MDN1: variants seen among roughly 807,000 people sequenced by gnomAD.
MDN1 encodes the protein midasin AAA ATPase 1, also known as midasin.
Under a neutral mutation model 669.2 loss-of-function variants are expected in MDN1, and 266 were observed. That is an observed-to-expected ratio of 0.40 (90% CI 0.36 to 0.44). MDN1 has a LOEUF of 0.44. Among genes scored for constraint, MDN1 ranks in the 20% least tolerant of loss-of-function variants. MDN1 has a pLI of 1.00. For synonymous variants in MDN1, 2,385 were observed against 2,457.1 expected (o/e 0.97, Z 0.87); for missense variants, 5,940 against 6,754.0 (o/e 0.88, Z 4.22).
At chr6:89,659,935 T>C (rs1809601939) in intron 88 of MDN1, among the ~76,000 whole-genome samples, 1 of 152,234 alleles carries the variant, frequency 6.6e-6, no homozygotes, top group Non-Finnish European at 1.5e-5. Context: ...TTGCCCAGGC[T>C]GGCATGCAGC....
intron 12 of MDN1, 29 bp downstream of exon 12, chr6:89,776,571 A>G: frequency 1.3e-6 from 2 of 1,548,858 alleles, no homozygotes; most frequent in Non-Finnish European, 8.9e-7. Context: ...CCTCCTTTCA[A>G]CAGGGAAGTA....
chr6:89,692,607 T>C lies in MDN1; in HGVS notation c.10423A>G (p.Ile3475Val). Residue 3475 changes from isoleucine to valine, a missense_variant, in exon 63 of 102, where the codon ATC (isoleucine) becomes GTC (valine). Physicochemically the swap from Ile to Val is conservative, Grantham distance 29 (BLOSUM62 3). This residue lies in a region of MDN1 where 2,280 missense variants were observed against 2,576.3 expected (regional missense o/e 0.88). Transcript: ENST00000369393. Reference sequence around the variant, plus strand: ...TCCTTTCCTCCTGAGCGCTTGAGGATTAGCTTCCCAAGGCCTCGTAGAACC... The same window carrying C: ...TCCTTTCCTCCTGAGCGCTTGAGGACTAGCTTCCCAAGGCCTCGTAGAACC... The part of the protein sequence containing the change: ...EEVLRGLGKL[I>V]LKRSGGKELE... The C allele has an allele frequency of 6.2e-7, 1 of 1,614,212 alleles. No homozygotes were observed.
Position 89,785,136 on chromosome 6 carries a change from A to G in MDN1, c.1335-10T>C. On this transcript the variant is annotated splice_polypyrimidine_tract_variant and intron_variant, in intron 8 of 101. Coordinates refer to ENST00000369393, the MANE Select transcript of MDN1 (RefSeq NM_014611.3). ...TCCACAGCTCAAGAGTCTACGTTTC[A>G]AAATAAAAAACACAGTCACACAAAA... is the stretch of plus-strand genomic sequence containing the variant. The G allele has an allele frequency of 6.3e-7, 1 of 1,598,162 alleles. No individual in the cohort carries two copies. The highest frequency in any genetic ancestry group is 8.6e-7 in the Non-Finnish European group (1 of 1,166,434).
intron 82 of MDN1, among the ~76,000 whole-genome samples, chr6:89,671,837 C>T (rs1220748867): frequency 2.0e-5 from 3 of 152,216 alleles, no homozygotes; most frequent in African/African-American, 7.2e-5. Flanking sequence ...TTACTCTGTT[C>T]GCTTATTGTA....
chr6:89,655,905 C>T lies in MDN1; in HGVS notation c.15349G>A (p.Val5117Met), dbSNP rs1287270246. 1.2e-6 allele frequency: 2 copies of T among 1,614,128 alleles called. No individual in the cohort carries two copies. The highest frequency in any genetic ancestry group is 1.3e-5 in the African/African-American group (1 of 75,046). The change falls in exon 92 of 102, where the codon GTG becomes ATG. Residue 5117 changes from valine (V) to methionine (M), a missense_variant. Around this residue, in one of 5 missense-constraint regions of MDN1, gnomAD observed 2,280 missense variants for 2,576.3 expected, o/e 0.88. Transcript: ENST00000369393. ...TCCACAGTCCTCAGCCTCTTGTGCA[C>T]ACGCTCATTGTGATCACCCATGGAA... ...ERSMGDHNER[V>M]HKRLRTVDTD... is the part of the protein sequence containing the mutation.
At chr6:89,795,976 TG>T (rs1291689213) in intron 2 of MDN1, among the ~76,000 whole-genome samples, 2 of 146,580 alleles carry the variant, frequency 1.4e-5, no homozygotes, top group East Asian at 2.1e-4. Flanking sequence ...ACAATAAAGG[TG>T]GGGGGGACAT....
rs546468358 is a variant in MDN1, at chr6:89,703,371, G to T, written c.8149-1310C>A. 8.0e-4 allele frequency among the ~76,000 whole-genome samples: 75 copies of T among 93,902 alleles called. 1 individual carries two copies. The East Asian group carries it at 0.023, about 29-fold the overall frequency. 61.6% of individuals were successfully genotyped at this position (93,902 alleles called of 152,430 possible). A position where few individuals can be genotyped will look rare whatever the true frequency, so the allele number is the denominator to read the frequency against. ...AAATAACTGACCATGTATGGGGAAG[G>T]GGGGGGGGTCTATCTGTGAATCCTC... On this transcript the variant is annotated intron_variant, in intron 53 of 101. Coordinates refer to ENST00000369393, the MANE Select transcript of MDN1 (RefSeq NM_014611.3).
At chr6:89,708,250 C>T (rs577136671) in intron 51 of MDN1, among the ~76,000 whole-genome samples, 5 of 152,246 alleles carry the variant, frequency 3.3e-5, no homozygotes, top group Admixed American at 2.0e-4. Context: ...TTGCAGTGAT[C>T]CAAGATTATG....
intron 26 of MDN1, among the ~76,000 whole-genome samples, 159 bp from the exon 27 acceptor site, chr6:89,747,629 A>T (rs370613745): frequency 7.9e-5 from 12 of 151,930 alleles, no homozygotes; most frequent in East Asian, 5.8e-4. Context: ...TGGTGGCTCA[A>T]GCCTGTAATC....
At position 89,674,404 on chromosome 6, in the gene MDN1, G is replaced by C; in HGVS notation, c.12947C>G (p.Pro4316Arg). The C allele has an allele frequency of 6.2e-7, 1 of 1,614,202 alleles. No homozygotes were observed. The highest frequency in any genetic ancestry group is 8.5e-7 in the Non-Finnish European group (1 of 1,180,030). The change falls in exon 79 of 102, where the codon CCA becomes CGA. Residue 4316 changes from proline (P) to arginine (R), a missense_variant. This residue lies in a region of MDN1 where 2,280 missense variants were observed against 2,576.3 expected (regional missense o/e 0.88). Transcript: ENST00000369393. The part of the protein sequence containing the change: ...WLLQCCPSVG[P>R]APGHGNVQVL... ...CTGGACATTGCCATGGCCTGGAGCT[G>C]GCCCTACACTGGGGCAGCACTGGAG... is the stretch of plus-strand genomic sequence containing the variant.
chr6:89,650,865 T>G lies in MDN1; in HGVS notation c.15916-18A>C. The G allele has an allele frequency of 6.2e-7, 1 of 1,602,906 alleles. No homozygotes were observed. Among genetic ancestry groups the G allele is most frequent in the Non-Finnish European group, 8.5e-7 (1 of 1,170,066 alleles). The stretch of plus-strand genomic sequence containing the variant: ...ACCTTCTCCTGTGACAACAACAAAA[T>G]GTAAGTTACCCTCAGAATGTCAGAG... On this transcript the variant is annotated intron_variant, in intron 95 of 101. Coordinates refer to ENST00000369393, the MANE Select transcript of MDN1 (RefSeq NM_014611.3).
chr6:89,772,307 G>A (rs1184784458), intron 14 of MDN1, among the ~76,000 whole-genome samples: 1 of 151,626 alleles, frequency 6.6e-6, no homozygotes, highest in Non-Finnish European at 1.5e-5. Context: ...GAAGAAATGA[G>A]GTATAATGCA....
intron 33 of MDN1, among the ~76,000 whole-genome samples, chr6:89,737,723 ATTTT>A (rs369806177): frequency 2.3e-5 from 3 of 128,904 alleles, no homozygotes; most frequent in Admixed American, 8.0e-5. Flanking sequence ...TCCCAGCCTA[ATTTT>A]TTTTTTTTTT....
At chr6:89,711,373 A>C (rs1813903659) in intron 49 of MDN1, among the ~76,000 whole-genome samples, 1 of 152,258 alleles carries the variant, frequency 6.6e-6, no homozygotes, top group African/African-American at 2.4e-5. Flanking sequence ...CAACAAAAAT[A>C]ATATAAATTT....
chr6:89,754,357 A>T, intron 20 of MDN1, 127 bp from the exon 21 acceptor site: 1 of 865,880 alleles, frequency 1.2e-6, no homozygotes, highest in Non-Finnish European at 1.7e-6. Flanking sequence ...TTCCTGGGGC[A>T]TGCATCAAAA....
In MDN1 at chr6:89,674,405, G is replaced by T; in HGVS notation, c.12946C>A (p.Pro4316Thr). 1.9e-6 allele frequency: 3 copies of T among 1,614,182 alleles called. No homozygotes were observed. Among genetic ancestry groups the T allele is most frequent in the Non-Finnish European group, 2.5e-6 (3 of 1,180,020 alleles). ...WLLQCCPSVG[P>T]APGHGNVQVL... Reference sequence around the variant, plus strand: ...TGGACATTGCCATGGCCTGGAGCTGGCCCTACACTGGGGCAGCACTGGAGG... The same window carrying T: ...TGGACATTGCCATGGCCTGGAGCTGTCCCTACACTGGGGCAGCACTGGAGG... The change falls in exon 79 of 102, where the codon CCA becomes ACA. Residue 4316 changes from proline to threonine, a missense_variant. Coordinates refer to ENST00000369393, the MANE Select transcript of MDN1 (RefSeq NM_014611.3).
intron 10 of MDN1, among the ~76,000 whole-genome samples, 176 bp from the exon 11 acceptor site, chr6:89,780,469 C>T (rs868614919): frequency 9.2e-5 from 14 of 152,060 alleles, no homozygotes; most frequent in Admixed American, 2.0e-4. Flanking sequence ...CTCAATCCTT[C>T]CCCTCTTTGT....
rs372790293 is a variant in MDN1 at position 89,645,635 on chromosome 6, A to C, written c.16460-478T>G. Among the ~76,000 whole-genome samples, 3 of 152,356 alleles carry C rather than the reference A, an allele frequency of 2.0e-5. No homozygotes were observed. The South Asian group carries it at 6.2e-4, about 32-fold the overall frequency. ...AGATTTCTGTTAATTCCTTGTACCT[A>C]ATTTCTATATTTTTTTGCCCTTGAA... On this transcript the variant is annotated intron_variant, in intron 100 of 101. Transcript: ENST00000369393.
chr6:89,678,268 G>A (rs1584163255), intron 75 of MDN1, among the ~76,000 whole-genome samples: 1 of 152,116 alleles, frequency 6.6e-6, no homozygotes, highest in East Asian at 1.9e-4. Context: ...GGCGGAGGTT[G>A]CAGTGAGCTG....
Sources: gnomAD v4.1 joint callset for allele counts (sites outside exome capture counted in the v4.1 genomes callset) on GRCh38, gnomAD v4.1.1 for gene constraint, gnomAD v4.1.1 regional missense constraint, MANE v1.5 for transcripts, NCBI Gene and HGNC (gene_info 2026-07-23, HGNC 2026-07-21) for gene names.